The following CSMD2 variants were observed in gnomAD, a reference collection of about 807,000 sequenced individuals.
CSMD2 encodes the protein CUB and Sushi multiple domains 2.
In CSMD2, 130 loss-of-function variants were observed where a neutral mutation model predicts 398.5. That is an observed-to-expected ratio of 0.33 (90% CI 0.28 to 0.38). The LOEUF is 0.38. CSMD2 is among the 10% of genes least tolerant of loss of function. The probability of loss-of-function intolerance (pLI) is 1.00; values close to 1 mark genes in which losing one functional copy is unlikely to be tolerated. For missense variants in CSMD2, 3,829 were observed against 4,764.9 expected (o/e 0.80, Z 5.78); for synonymous variants, 1,828 against 1,908.5 (o/e 0.96, Z 1.10).
intron 44 of CSMD2, among the ~76,000 whole-genome samples, chr1:33,590,110 T>G (rs1639328971): frequency 7.0e-6 from 1 of 142,712 alleles, no homozygotes. Context: ...GGGGTGATTT[T>G]CCATTACATT....
intron 1 of CSMD2, among the ~76,000 whole-genome samples, chr1:34,092,545 G>A (rs149670820): frequency 0.027 from 4,168 of 152,242 alleles, 224 homozygotes; most frequent in African/African-American, 0.096. Context: ...AGGTCAGTGG[G>A]TGCGCGCACC....
chr1:33,780,815 C>G (rs995639864), intron 12 of CSMD2, among the ~76,000 whole-genome samples: 1 of 152,208 alleles, frequency 6.6e-6, no homozygotes, highest in Admixed American at 6.5e-5. Flanking sequence ...CATGGAAACT[C>G]AGCGGGCATC....
rs535776849 is a variant in CSMD2 at position 33,516,920 on chromosome 1, A to G, written c.*54-350T>C. ...AAAATCAGATGAAAAAAAAAAAATGACTAGGATAATAATGGCTCTGTAATA... is the reference window on the plus strand; with the variant it reads ...AAAATCAGATGAAAAAAAAAAAATGGCTAGGATAATAATGGCTCTGTAATA... On this transcript the variant is annotated intron_variant, in intron 70 of 70. Coordinates refer to ENST00000373381, the MANE Select transcript of CSMD2 (RefSeq NM_001281956.2). 1.5e-4 allele frequency among the ~76,000 whole-genome samples: 22 copies of G among 150,708 alleles called. No homozygotes were observed. In the South Asian group the frequency reaches 4.4e-3, roughly 30 times the overall value.
intron 17 of CSMD2, among the ~76,000 whole-genome samples, chr1:33,725,067 T>C (rs1646483129): frequency 2.0e-5 from 3 of 152,184 alleles, no homozygotes; most frequent in African/African-American, 7.2e-5. Context: ...AGTCAAATGT[T>C]CTGATCCCAG....
chr1:33,952,206 C>T (rs530727521), intron 3 of CSMD2, among the ~76,000 whole-genome samples: 2 of 152,256 alleles, frequency 1.3e-5, no homozygotes, highest in South Asian at 4.2e-4. Flanking sequence ...TGAAATGCCA[C>T]CAAGATAGCT....
upstream of CSMD2, among the ~76,000 whole-genome samples, chr1:34,165,592 A>T (rs1254057523): frequency 6.7e-6 from 1 of 149,420 alleles, no homozygotes; most frequent in Non-Finnish European, 1.5e-5. Context: ...CCACACACAC[A>T]CACACAAACA....
At chr1:33,791,285 T>C (rs1175256394) in intron 11 of CSMD2, among the ~76,000 whole-genome samples, 1 of 152,128 alleles carries the variant, frequency 6.6e-6, no homozygotes, top group Non-Finnish European at 1.5e-5. Context: ...TGGGCCTCAG[T>C]CTCCCCATCT....
At chr1:34,075,029 C>T (rs927159620) in intron 2 of CSMD2, among the ~76,000 whole-genome samples, 61 of 152,224 alleles carry the variant, frequency 4.0e-4, no homozygotes, top group African/African-American at 1.3e-3. Flanking sequence ...CGTTAAGTTC[C>T]TTGAAGGCAG....
intron 29 of CSMD2, among the ~76,000 whole-genome samples, chr1:33,639,517 G>A (rs975295125): frequency 6.6e-6 from 1 of 152,208 alleles, no homozygotes; most frequent in African/African-American, 2.4e-5. Context: ...ACTTGGGTAA[G>A]GGTATTTCTT....
chr1:33,705,212 C>T (rs1645736773), intron 22 of CSMD2, among the ~76,000 whole-genome samples: 1 of 152,140 alleles, frequency 6.6e-6, no homozygotes, highest in South Asian at 2.1e-4. Flanking sequence ...ATCAAACTAA[C>T]ATAACCATCA....
chr1:33,570,888 C>T (rs960273251), intron 51 of CSMD2, among the ~76,000 whole-genome samples: 1 of 152,202 alleles, frequency 6.6e-6, no homozygotes, highest in Non-Finnish European at 1.5e-5. Context: ...ATGGATACTG[C>T]ATCAGAGCTC....
At position 33,708,151 on chromosome 1, in the gene CSMD2, A is replaced by T. The variant is rs78262419; in HGVS notation, c.3576+938T>A. On this transcript the variant is annotated intron_variant, in intron 22 of 70. Coordinates refer to ENST00000373381, the MANE Select transcript of CSMD2 (RefSeq NM_001281956.2). ...TTGTATTTATGCAAAGAAACATAAG[A>T]CATATATGCTCAGTGTCTTAACAAA... Among the ~76,000 whole-genome samples the T allele has an allele frequency of 1.6e-3, 244 of 152,302 alleles. 3 individuals are homozygous for T. The East Asian group carries it at 0.043, about 27-fold the overall frequency.
intron 6 of CSMD2, among the ~76,000 whole-genome samples, chr1:33,830,380 T>A (rs1431939384): frequency 6.6e-6 from 1 of 152,214 alleles, no homozygotes; most frequent in South Asian, 2.1e-4. Flanking sequence ...CAGACACCGC[T>A]GCTGATACCC....
At chr1:33,923,672 A>G (rs911616760) in intron 4 of CSMD2, among the ~76,000 whole-genome samples, 13 of 152,168 alleles carry the variant, frequency 8.5e-5, no homozygotes, top group African/African-American at 2.9e-4. Context: ...CTATTTTGAA[A>G]TATACATTGT....
chr1:33,953,062 C>A (rs749267302), intron 3 of CSMD2, among the ~76,000 whole-genome samples: 28 of 152,356 alleles, frequency 1.8e-4, no homozygotes, highest in Middle Eastern at 3.4e-3. Flanking sequence ...GGGCACACAG[C>A]TAGACAACCT....
At chr1:34,101,101 C>A (rs1467060336) in intron 1 of CSMD2, among the ~76,000 whole-genome samples, 2 of 152,258 alleles carry the variant, frequency 1.3e-5, no homozygotes, top group Non-Finnish European at 1.5e-5. Context: ...TTTGTCCTTT[C>A]ATGCCCATGA....
At chr1:33,707,756 G>A (rs1447575829) in intron 22 of CSMD2, among the ~76,000 whole-genome samples, 1 of 149,624 alleles carries the variant, frequency 6.7e-6, no homozygotes, top group African/African-American at 2.5e-5. Context: ...ATACACCCCA[G>A]AGGACATATG....
chr1:33,887,177 A>C (rs1035269867), intron 5 of CSMD2, among the ~76,000 whole-genome samples: 2 of 152,150 alleles, frequency 1.3e-5, no homozygotes, highest in East Asian at 1.9e-4. Context: ...ACAATTTGGC[A>C]ATAAGAATCA....
At chr1:33,849,301 G>A (rs1638528309) in intron 5 of CSMD2, among the ~76,000 whole-genome samples, 1 of 152,162 alleles carries the variant, frequency 6.6e-6, no homozygotes, top group South Asian at 2.1e-4. Flanking sequence ...ATGGTGTCAT[G>A]CCTTGCTCGA....
Sources: allele counts gnomAD v4.1 joint callset (sites outside exome capture counted in the v4.1 genomes callset), GRCh38; gene constraint gnomAD v4.1.1; transcripts MANE v1.5; gene names NCBI Gene and HGNC (gene_info 2026-07-23, HGNC 2026-07-21).